Variants in ZMYND12 observed in about 807,000 individuals in gnomAD.
ZMYND12 encodes zinc finger MYND-type containing 12.
In ZMYND12, 32 loss-of-function variants were observed where a neutral mutation model predicts 41.7. The observed-to-expected ratio is 0.77, with a 90% confidence interval of 0.58 to 1.03. ZMYND12 has a LOEUF of 1.03. Ranked by LOEUF, ZMYND12 falls within the 50% of genes least tolerant of loss-of-function variation. ZMYND12 has a pLI of 0.00. For synonymous variants in ZMYND12, 148 were observed against 164.8 expected, an observed-to-expected ratio of 0.90 and a Z score of 0.78; for missense variants, 424 against 438.5, an observed-to-expected ratio of 0.97 and a Z score of 0.30.
intron 4 of ZMYND12, 43 bp downstream of exon 4, chr1:42,439,813 T>G (rs181323771): frequency 4.2e-5 from 64 of 1,531,700 alleles, no homozygotes; most frequent in Non-Finnish European, 5.3e-5. Context: ...TGTTATAATT[T>G]AGATTTTGGA....
At position 42,439,769 on chromosome 1, in the gene ZMYND12, T is replaced by TA. The variant is rs1320191014; in HGVS notation, c.594+86dup. ...AAAGTTTTAGAGAAATGCACAGTTT[T>TA]AAAAAAATTAAACAGATTTTGGAAA... is the stretch of plus-strand genomic sequence containing the variant. On this transcript the variant is annotated intron_variant, in intron 4 of 7. Coordinates refer to ENST00000372565, the MANE Select transcript of ZMYND12 (RefSeq NM_032257.5). 9.4e-6 allele frequency: 13 copies of TA among 1,379,096 alleles called. 1 individual carries two copies. The highest frequency in any genetic ancestry group is 2.4e-5 in the East Asian group (1 of 42,468). 85.4% of individuals were successfully genotyped at this position (1,379,096 alleles called of 1,614,324 possible).
chr1:42,445,747 G>C (rs1332776233), intron 3 of ZMYND12, among the ~76,000 whole-genome samples: 2 of 152,114 alleles, frequency 1.3e-5, no homozygotes, highest in African/African-American at 2.4e-5. Context: ...GAGCCTCATG[G>C]GTTGCTTTAG....
chr1:42,434,363 A>G (rs1642884521), intron 6 of ZMYND12, among the ~76,000 whole-genome samples: 1 of 152,216 alleles, frequency 6.6e-6, no homozygotes, highest in East Asian at 1.9e-4. Context: ...TTAAGGCACC[A>G]GAAGAAATCA....
In ZMYND12 at chr1:42,455,947, A is replaced by G. The variant is rs1388750070; in HGVS notation, c.51T>C (p.Cys17=). Residue 17 remains cysteine, a synonymous_variant, in exon 1 of 8, where the codon TGT becomes TGC. Coordinates refer to ENST00000372565, the MANE Select transcript of ZMYND12 (RefSeq NM_032257.5). The part of the protein sequence containing the change: ...LAVPKGRRLC[C]EVCEAPAERV... Reference sequence around the variant, plus strand: ...GCTCGGCTGGGGCTTCGCACACCTCACAGCAGAGTCTGCGCCCCTTGGGGA... The same window carrying G: ...GCTCGGCTGGGGCTTCGCACACCTCGCAGCAGAGTCTGCGCCCCTTGGGGA... 1 of 1,613,656 alleles carries G rather than the reference A, an allele frequency of 6.2e-7. No individual in the cohort carries two copies. The highest frequency in any genetic ancestry group is 8.5e-7 in the Non-Finnish European group (1 of 1,180,008).
At chr1:42,432,217 G>A (rs757459862) in intron 7 of ZMYND12, among the ~76,000 whole-genome samples, 8 of 151,500 alleles carry the variant, frequency 5.3e-5, no homozygotes, top group Non-Finnish European at 8.8e-5. Context: ...CCTCTAGCCC[G>A]GCTGATCTTT....
intron 1 of ZMYND12, among the ~76,000 whole-genome samples, chr1:42,453,953 A>C (rs548617703): frequency 1.1e-4 from 16 of 152,250 alleles, no homozygotes; most frequent in Non-Finnish European, 1.5e-5. Flanking sequence ...CAATAATATA[A>C]AAGTACAGAA....
chr1:42,448,749 T>C, intron 2 of ZMYND12, 111 bp from the exon 3 acceptor site: 2 of 1,078,398 alleles, frequency 1.9e-6, no homozygotes, highest in African/African-American at 1.6e-5. Flanking sequence ...TAAAGGCACA[T>C]AGTGAGCCTG....
intron 5 of ZMYND12, 27 bp downstream of exon 5, chr1:42,436,394 G>C: frequency 6.2e-7 from 1 of 1,611,650 alleles, no homozygotes; most frequent in Non-Finnish European, 8.5e-7. Flanking sequence ...AAGAGTGAAG[G>C]CTCAGCTCCC....
intron 2 of ZMYND12, 65 bp downstream of exon 2, chr1:42,449,853 G>A (rs1004990638): frequency 3.4e-5 from 54 of 1,584,928 alleles, no homozygotes; most frequent in Middle Eastern, 2.0e-4. Flanking sequence ...AACACAGTTC[G>A]AGCCTTGTCT....
intron 1 of ZMYND12, among the ~76,000 whole-genome samples, chr1:42,455,661 T>C (rs1643157881): frequency 6.6e-6 from 1 of 152,202 alleles, no homozygotes; most frequent in African/African-American, 2.4e-5. Flanking sequence ...CTTTAGCACC[T>C]AAAATAGTGC....
intron 3 of ZMYND12, among the ~76,000 whole-genome samples, chr1:42,444,802 CTTTT>C (rs34129195): frequency 4.8e-5 from 6 of 124,562 alleles, no homozygotes; most frequent in Non-Finnish European, 8.5e-5. Context: ...AGGAGTAGTT[CTTTT>C]TTTTTTTTTT....
chr1:42,454,224 T>C (rs1197792984), intron 1 of ZMYND12, among the ~76,000 whole-genome samples: 1 of 152,100 alleles, frequency 6.6e-6, no homozygotes, highest in African/African-American at 2.4e-5. Flanking sequence ...TGGTGGGAAG[T>C]GAAGGTAGAG....
intron 3 of ZMYND12, among the ~76,000 whole-genome samples, chr1:42,446,203 AG>A (rs1643022114): frequency 6.6e-6 from 1 of 152,194 alleles, no homozygotes; most frequent in Non-Finnish European, 1.5e-5. Context: ...TGATTCATAC[AG>A]GGGAACTCAT....
In ZMYND12 at chr1:42,433,300, G is replaced by C. The variant is rs1479214038; in HGVS notation, c.830-12C>G. The stretch of plus-strand genomic sequence containing the variant: ...TTCTTGGGCTTCATCTGCATTGGAA[G>C]GGGAAGAAAGAAAAAACAGGCTCTT... On this transcript the variant is annotated splice_polypyrimidine_tract_variant and intron_variant, in intron 6 of 7. Transcript: ENST00000372565. 6.3e-7 allele frequency: 1 copy of C among 1,591,732 alleles called. No individual in the cohort carries two copies. Among genetic ancestry groups the C allele is most frequent in the Non-Finnish European group, 8.5e-7 (1 of 1,173,212 alleles).
rs749463107 is a variant in ZMYND12, at chr1:42,450,096, T to A, written c.111-37A>T. 7.5e-6 allele frequency: 12 copies of A among 1,607,064 alleles called. 1 individual carries two copies. In the South Asian group the frequency reaches 1.3e-4, roughly 18 times the overall value. On this transcript the variant is annotated intron_variant, in intron 1 of 7. Transcript: ENST00000372565. The stretch of plus-strand genomic sequence containing the variant: ...AACATAGACTTTATGATCTTTATAT[T>A]TGGCATGACTTAAGATTCCATTAAC...
chr1:42,431,162 G>A (rs754122467), intron 7 of ZMYND12, among the ~76,000 whole-genome samples: 36 of 152,202 alleles, frequency 2.4e-4, no homozygotes, highest in Non-Finnish European at 4.7e-4. Flanking sequence ...CATCACTGGA[G>A]GGCATAGAGG....
chr1:42,432,126 G>A (rs55671820), intron 7 of ZMYND12, among the ~76,000 whole-genome samples: 31,759 of 148,434 alleles, frequency 0.21, 3,604 homozygotes, highest in South Asian at 0.43. Flanking sequence ...GCACAAGCAC[G>A]GCTCACTGCA....
intron 2 of ZMYND12, among the ~76,000 whole-genome samples, chr1:42,449,678 CTG>C: frequency 6.6e-6 from 1 of 152,322 alleles, no homozygotes; most frequent in Non-Finnish European, 1.5e-5. Context: ...TAAATGTATG[CTG>C]TTTGAGCCAC....
In ZMYND12 at chr1:42,433,199, T is replaced by C. The variant is rs753532612; in HGVS notation, c.919A>G (p.Ile307Val). The C allele has an allele frequency of 2.9e-5, 46 of 1,612,610 alleles. No homozygotes were observed. The highest frequency in any genetic ancestry group is 3.4e-5 in the Non-Finnish European group (40 of 1,179,458). Reference protein sequence around the residue: ...STSDKAPQKTIFVLKILVMFY... With the variant: ...STSDKAPQKTVFVLKILVMFY... Reference sequence around the variant, plus strand: ...ATGACCAGGATCTTCAGAACAAAGATGGTTTTTTGGGGGGCTTTGTCAGAT... The same window carrying C: ...ATGACCAGGATCTTCAGAACAAAGACGGTTTTTTGGGGGGCTTTGTCAGAT... The change falls in exon 7 of 8, where the codon ATC becomes GTC. Residue 307 changes from isoleucine (I) to valine (V), a missense_variant. Ile to Val is a conservative substitution (Grantham distance 29). Coordinates refer to ENST00000372565, the MANE Select transcript of ZMYND12 (RefSeq NM_032257.5).
Sources: allele counts gnomAD v4.1 joint callset (sites outside exome capture counted in the v4.1 genomes callset), GRCh38; gene constraint gnomAD v4.1.1; transcripts MANE v1.5; gene names NCBI Gene and HGNC (gene_info 2026-07-23, HGNC 2026-07-21).